UBE2D1: variants seen among roughly 807,000 people sequenced by gnomAD.
UBE2D1 encodes the protein ubiquitin conjugating enzyme E2 D1.
Under a neutral mutation model 24.6 loss-of-function variants are expected in UBE2D1, and 9 were observed. That is an observed-to-expected ratio of 0.37 (90% confidence interval 0.22 to 0.64). UBE2D1 has a LOEUF of 0.64. Ranked by LOEUF, UBE2D1 falls within the 30% of genes least tolerant of loss-of-function variation. The pLI is 0.64. For missense variants in UBE2D1, 87 were observed against 177.1 expected, an observed-to-expected ratio of 0.49 and a Z score of 2.89; for synonymous variants, 57 against 57.6, an observed-to-expected ratio of 0.99 and a Z score of 0.04.
At chr10:58,368,669 TG>T in intron 6 of UBE2D1, 50 bp from the exon 7 acceptor site, 1 of 1,338,922 alleles carries the variant, frequency 7.5e-7, no homozygotes, top group Non-Finnish European at 1.0e-6. Context: ...CAGATGCTTC[TG>T]AAATATTAAT....
intron 5 of UBE2D1, among the ~76,000 whole-genome samples, chr10:58,367,518 A>T (rs1318258726): frequency 6.6e-6 from 1 of 152,202 alleles, no homozygotes; most frequent in Non-Finnish European, 1.5e-5. Flanking sequence ...CTTTGTAGAC[A>T]GACTATAGCT....
chr10:58,369,477 G>A lies in UBE2D1; in HGVS notation c.*712G>A, dbSNP rs1840291468. 1 of 152,484 alleles carries A rather than the reference G, an allele frequency of 6.6e-6. No homozygotes were observed. The highest frequency in any genetic ancestry group is 2.4e-5 in the African/African-American group (1 of 41,414). 9.4% of individuals were successfully genotyped at this position (152,484 alleles called of 1,614,324 possible). ...ATTGCACTGCTAAGTAGGAAGATGT[G>A]TAACTTTTATTTGTTGCTATTCACA... is the stretch of plus-strand genomic sequence containing the variant. On this transcript the variant is annotated 3_prime_UTR_variant, in exon 7 of 7. Coordinates refer to ENST00000373910, the MANE Select transcript of UBE2D1 (RefSeq NM_003338.5).
chr10:58,342,868 C>T (rs1211687506), intron 1 of UBE2D1, among the ~76,000 whole-genome samples: 3 of 134,710 alleles, frequency 2.2e-5, no homozygotes, highest in Non-Finnish European at 3.1e-5. Context: ...TTGCTCTTGT[C>T]GCCCAGGCTG....
At chr10:58,354,975 G>A (rs1283719550) in intron 1 of UBE2D1, among the ~76,000 whole-genome samples, 2 of 152,076 alleles carry the variant, frequency 1.3e-5, no homozygotes, top group African/African-American at 4.8e-5. Flanking sequence ...AAAGTAGAGT[G>A]GCATTGTTTT....
chr10:58,363,799 T>A, intron 4 of UBE2D1, 113 bp downstream of exon 4: 1 of 684,280 alleles, frequency 1.5e-6, no homozygotes, highest in South Asian at 2.5e-5. Flanking sequence ...GTGGGGAGGT[T>A]AGCATTTTCA....
At chr10:58,353,150 C>G (rs1180787726) in intron 1 of UBE2D1, among the ~76,000 whole-genome samples, 3 of 152,124 alleles carry the variant, frequency 2.0e-5, no homozygotes, top group Non-Finnish European at 4.4e-5. Context: ...TGTGCCTGAC[C>G]AGTGATTTAT....
Position 58,363,629 on chromosome 10 carries a change from T to A in UBE2D1, c.141T>A (p.Gly47=), listed in dbSNP as rs759791178. Residue 47 remains glycine, a synonymous_variant, in exon 4 of 7, where the codon GGT becomes GGA. Transcript: ENST00000373910. ...IMGPPDSAYQ[G]GVFFLTVHFP... ...TTCAGCCTGATAGCGCATATCAAGG[T>A]GGAGTCTTCTTTCTCACTGTACATT... 1.9e-6 allele frequency: 3 copies of A among 1,611,642 alleles called. No individual in the cohort carries two copies. The highest frequency in any genetic ancestry group is 1.7e-6 in the Non-Finnish European group (2 of 1,179,138).
At chr10:58,360,812 A>G (rs1355423732) in intron 1 of UBE2D1, 10 of 338,074 alleles carry the variant, frequency 3.0e-5, no homozygotes. Flanking sequence ...TACTCGGGGT[A>G]GGAGTGGGGG....
chr10:58,344,851 A>C (rs1564558218), intron 1 of UBE2D1, among the ~76,000 whole-genome samples: 1 of 150,796 alleles, frequency 6.6e-6, no homozygotes, highest in Non-Finnish European at 1.5e-5. Flanking sequence ...GCTGCCTTAT[A>C]GGTAATAGTT....
At chr10:58,364,288 T>C (rs1840232027) in intron 4 of UBE2D1, among the ~76,000 whole-genome samples, 1 of 152,168 alleles carries the variant, frequency 6.6e-6, no homozygotes, top group African/African-American at 2.4e-5. Context: ...ATTTATGAAA[T>C]GGTATGACAA....
At chr10:58,354,706 A>G (rs1314794746) in intron 1 of UBE2D1, among the ~76,000 whole-genome samples, 1 of 152,084 alleles carries the variant, frequency 6.6e-6, no homozygotes, top group Non-Finnish European at 1.5e-5. Flanking sequence ...GTGGTGGTAC[A>G]TGCCTGTAGT....
rs199940686 is a variant in UBE2D1, at chr10:58,370,063, T to TA, written c.*1299dup. ...ATTTGAAAAACTTTTTTTTTTTTTT[T>TA]ACTATAGAAGTTACAAAGGAAGTTC... On this transcript the variant is annotated 3_prime_UTR_variant, in exon 7 of 7. Transcript: ENST00000373910. 6.6e-6 allele frequency: 1 copy of TA among 150,752 alleles called. No individual in the cohort carries two copies. The highest frequency in any genetic ancestry group is 1.5e-5 in the Non-Finnish European group (1 of 67,730). 9.3% of individuals were successfully genotyped at this position (150,752 alleles called of 1,614,324 possible). A position where few individuals can be genotyped will look rare whatever the true frequency, so the allele number is the denominator to read the frequency against.
At chr10:58,343,729 C>A (rs982293417) in intron 1 of UBE2D1, among the ~76,000 whole-genome samples, 5 of 152,210 alleles carry the variant, frequency 3.3e-5, no homozygotes, top group African/African-American at 1.2e-4. Context: ...CCATAATATT[C>A]AAGAATAATA....
intron 1 of UBE2D1, among the ~76,000 whole-genome samples, chr10:58,353,128 AATC>A (rs1564559987): frequency 8.5e-5 from 13 of 152,340 alleles, no homozygotes. Flanking sequence ...GCCCCAGTTT[AATC>A]ATCAACAATG....
chr10:58,359,478 A>T (rs376787375), intron 1 of UBE2D1, among the ~76,000 whole-genome samples: 2 of 152,146 alleles, frequency 1.3e-5, no homozygotes, highest in Admixed American at 6.5e-5. Flanking sequence ...TCCAATTTCT[A>T]TCCTTTTTTA....
chr10:58,367,584 A>G (rs1840270440), intron 5 of UBE2D1, among the ~76,000 whole-genome samples: 2 of 152,162 alleles, frequency 1.3e-5, no homozygotes. Flanking sequence ...TTGGACTGTT[A>G]ACTGTAATTT....
intron 1 of UBE2D1, chr10:58,360,920 T>TC (rs1840189301): frequency 1.2e-5 from 5 of 434,560 alleles, no homozygotes. Context: ...AGATCCTGTC[T>TC]CAAAAAAAAA....
intron 1 of UBE2D1, among the ~76,000 whole-genome samples, chr10:58,351,923 A>G (rs1048850192): frequency 6.6e-6 from 1 of 152,160 alleles, no homozygotes; most frequent in Non-Finnish European, 1.5e-5. Context: ...TTATGTGACC[A>G]CTATATATGC....
chr10:58,335,119 C>T lies in UBE2D1; in HGVS notation c.-83C>T, dbSNP rs555106798. 267 of 1,452,910 alleles carry T rather than the reference C, an allele frequency of 1.8e-4. 1 individual carries two copies. In the South Asian group the frequency reaches 3.1e-3, roughly 17 times the overall value. The allele number at this position is 1,452,910 out of a possible 1,614,324, so 90.0% of individuals were successfully genotyped here. ...CGCGCGGAGCCAGCCTAGCTGCCAGCGAGCCCAACCCGCGACGACCCACGC... is the reference window on the plus strand; with the variant it reads ...CGCGCGGAGCCAGCCTAGCTGCCAGTGAGCCCAACCCGCGACGACCCACGC... On this transcript the variant is annotated 5_prime_UTR_variant, in exon 1 of 7. Coordinates refer to ENST00000373910, the MANE Select transcript of UBE2D1 (RefSeq NM_003338.5).
Sources: gnomAD v4.1 joint callset for allele counts (sites outside exome capture counted in the v4.1 genomes callset) on GRCh38, gnomAD v4.1.1 for gene constraint, MANE v1.5 for transcripts, NCBI Gene and HGNC (gene_info 2026-07-23, HGNC 2026-07-21) for gene names.